FUT8: variants seen among roughly 807,000 people sequenced by gnomAD.
FUT8 encodes the protein fucosyltransferase 8, also known as alpha-(1,6)-fucosyltransferase.
In FUT8, 29 loss-of-function variants were observed where a neutral mutation model predicts 71.3. The ratio of observed to expected loss-of-function variants is 0.41; its 90% confidence interval spans 0.30 to 0.55. The LOEUF is 0.55. FUT8 is among the 20% of genes least tolerant of loss of function. FUT8 has a pLI of 0.34. For synonymous variants in FUT8, 254 were observed against 239.3 expected (o/e 1.06, Z -0.57); for missense variants, 544 against 702.1 (o/e 0.77, Z 2.55).
intron 6 of FUT8, among the ~76,000 whole-genome samples, chr14:65,655,701 A>G (rs1891645837): frequency 6.6e-6 from 1 of 152,222 alleles, no homozygotes; most frequent in Non-Finnish European, 1.5e-5. Flanking sequence ...GGAGACTTTA[A>G]TATCCCTCTT....
intron 6 of FUT8, among the ~76,000 whole-genome samples, chr14:65,645,620 AATTTT>A (rs1267217679): frequency 2.0e-5 from 3 of 152,156 alleles, no homozygotes; most frequent in African/African-American, 7.2e-5. Flanking sequence ...GATTTCAGAT[AATTTT>A]ATTTTATGTG....
chr14:65,692,659 C>T (rs1311805665), intron 7 of FUT8, among the ~76,000 whole-genome samples: 3 of 151,644 alleles, frequency 2.0e-5, no homozygotes, highest in Admixed American at 6.5e-5. Context: ...AGACGCTCCT[C>T]ACTTCCCAGA....
At chr14:65,380,389 G>A in the FUT8 span, among the ~76,000 whole-genome samples, 1 of 152,036 alleles carries the variant, frequency 6.6e-6, no homozygotes, top group African/African-American at 2.4e-5. Flanking sequence ...ATTTGGGTGG[G>A]GACACAGCCA....
chr14:65,644,996 GAA>G (rs1239629460), intron 6 of FUT8, among the ~76,000 whole-genome samples: 2 of 152,112 alleles, frequency 1.3e-5, no homozygotes, highest in African/African-American at 4.8e-5. Context: ...ACAAAAATGA[GAA>G]AAACAGCTAA....
At chr14:65,677,908 A>G (rs1892845787) in intron 7 of FUT8, among the ~76,000 whole-genome samples, 1 of 152,204 alleles carries the variant, frequency 6.6e-6, no homozygotes, top group African/African-American at 2.4e-5. Context: ...TAAAGCAATC[A>G]GAGACTTCAC....
intron 2 of FUT8, among the ~76,000 whole-genome samples, chr14:65,558,325 CAAAAA>C (rs67556145): frequency 1.7e-5 from 2 of 118,184 alleles, no homozygotes; most frequent in Admixed American, 8.4e-5. Context: ...GAGCGAGACT[CAAAAA>C]AAAAAAAAAA....
At chr14:65,523,845 G>A (rs991216031) in intron 2 of FUT8, among the ~76,000 whole-genome samples, 4 of 152,136 alleles carry the variant, frequency 2.6e-5, no homozygotes, top group Non-Finnish European at 5.9e-5. Flanking sequence ...TTTCCCCATT[G>A]CTTGTTTTTG....
intron 6 of FUT8, among the ~76,000 whole-genome samples, chr14:65,667,594 G>A (rs1892279020): frequency 6.6e-6 from 1 of 152,028 alleles, no homozygotes; most frequent in Non-Finnish European, 1.5e-5. Flanking sequence ...AATGGCCATA[G>A]TGCCCAAAGC....
the FUT8 span, among the ~76,000 whole-genome samples, chr14:65,365,236 T>C: frequency 6.6e-6 from 1 of 152,284 alleles, no homozygotes; most frequent in South Asian, 2.1e-4. Flanking sequence ...TACTCTGCAA[T>C]GTCTGATGAG....
intron 3 of FUT8, among the ~76,000 whole-genome samples, chr14:65,568,712 G>A (rs28864090): frequency 0.011 from 1,589 of 151,084 alleles, 29 homozygotes; most frequent in African/African-American, 0.037. Flanking sequence ...CTTAAGAAAT[G>A]TGTATTCTGT....
intron 2 of FUT8, among the ~76,000 whole-genome samples, chr14:65,487,737 G>A (rs2066430758): frequency 6.6e-6 from 1 of 152,070 alleles, no homozygotes; most frequent in African/African-American, 2.4e-5. Context: ...GGAAGGCGCT[G>A]TCTTTGTGAA....
chr14:65,386,393 A>G, the FUT8 span, among the ~76,000 whole-genome samples: 2 of 150,826 alleles, frequency 1.3e-5, no homozygotes, highest in Non-Finnish European at 2.9e-5. Context: ...AGTTTTAGCT[A>G]CTTGGGAGGC....
chr14:65,661,637 GA>G (rs1169678664), intron 6 of FUT8, among the ~76,000 whole-genome samples: 1 of 151,920 alleles, frequency 6.6e-6, no homozygotes, highest in African/African-American at 2.4e-5. Context: ...AAAAGTCATA[GA>G]AAAAAATCAT....
chr14:65,708,214 G>T (rs1894648386), intron 7 of FUT8, among the ~76,000 whole-genome samples: 1 of 152,106 alleles, frequency 6.6e-6, no homozygotes, highest in African/African-American at 2.4e-5. Context: ...AAGACCTGAT[G>T]GTTTTATCAG....
intron 2 of FUT8, among the ~76,000 whole-genome samples, chr14:65,512,543 T>C (rs1367133407): frequency 6.6e-6 from 1 of 152,158 alleles, no homozygotes; most frequent in African/African-American, 2.4e-5. Context: ...GTGCATGACT[T>C]TACTTTGTAT....
chr14:65,446,572 A>G (rs890464810), intron 1 of FUT8, among the ~76,000 whole-genome samples: 2 of 152,184 alleles, frequency 1.3e-5, no homozygotes, highest in African/African-American at 4.8e-5. Flanking sequence ...ATTAAATAGT[A>G]TAATTCACAA....
At chr14:65,639,741 C>T (rs1890740457) in intron 6 of FUT8, among the ~76,000 whole-genome samples, 1 of 152,012 alleles carries the variant, frequency 6.6e-6, no homozygotes, top group African/African-American at 2.4e-5. Context: ...CCTCATCACC[C>T]AGCTTTATGA....
At chr14:65,579,779 A>G (rs1054415943) in intron 3 of FUT8, among the ~76,000 whole-genome samples, 1 of 152,106 alleles carries the variant, frequency 6.6e-6, no homozygotes, top group Non-Finnish European at 1.5e-5. Flanking sequence ...ACACAAGGTA[A>G]CATCTTGCCA....
Position 65,660,241 on chromosome 14 carries a change from A to G in FUT8, c.598-9002A>G, listed in dbSNP as rs1891893437. ...AGACCACCTGGAACTCCCAGAGGTA[A>G]CAGAATACTGTCTTGAAAGCCTCAG... On this transcript the variant is annotated intron_variant, in intron 6 of 10. Coordinates refer to ENST00000673929, the MANE Select transcript of FUT8 (RefSeq NM_001371533.1). This position sits in a 1 kb window ranked among gnomAD's most constrained non-coding sequence, Gnocchi z 4.1. Among the ~76,000 whole-genome samples, 1 of 152,138 alleles carries G rather than the reference A, an allele frequency of 6.6e-6. No individual in the cohort carries two copies.
Sources: allele counts gnomAD v4.1 joint callset (sites outside exome capture counted in the v4.1 genomes callset), GRCh38; gene constraint gnomAD v4.1.1; non-coding constraint Gnocchi (gnomAD v3.1); transcripts MANE v1.5; gene names NCBI Gene and HGNC (gene_info 2026-07-23, HGNC 2026-07-21).